Variants in PGR observed in about 807,000 individuals in gnomAD.
PGR encodes the protein progesterone receptor.
Under a neutral mutation model 76.1 loss-of-function variants are expected in PGR, and 25 were observed. The observed-to-expected ratio is 0.33, with a 90% CI of 0.24 to 0.46. PGR has a LOEUF of 0.46. PGR is among the 20% of genes least tolerant of loss of function. The pLI, the probability that PGR is intolerant of heterozygous loss-of-function variation, is 1.00. For missense variants in PGR, 1,172 were observed against 1,225.3 expected, an observed-to-expected ratio of 0.96 and a Z score of 0.65; for synonymous variants, 579 against 535.0, an observed-to-expected ratio of 1.08 and a Z score of -1.14.
At position 101,128,286 on chromosome 11, in the gene PGR, G is replaced by T; in HGVS notation, c.785C>A (p.Ala262Glu). The T allele has an allele frequency of 1.9e-6, 3 of 1,591,372 alleles. No homozygotes were observed. In the South Asian group the frequency reaches 3.3e-5, roughly 18 times the overall value. The change falls in exon 1 of 8, where the codon GCA becomes GAA. Residue 262 changes from alanine (A) to glutamate (E), a missense_variant. Ala to Glu is a moderately radical substitution (Grantham distance 107). Around this residue, in one of 4 missense-constraint regions of PGR, gnomAD observed 893 missense variants for 785.9 expected, o/e 1.14. Transcript: ENST00000325455. Reference sequence around the variant, plus strand: ...CTTGGGGACCAGGGCGACGCCTCCTGCTGCCGCCCCCGGCGGGACAGCCGC... The same window carrying T: ...CTTGGGGACCAGGGCGACGCCTCCTTCTGCCGCCCCCGGCGGGACAGCCGC... ...GAAAVPPGAA[A>E]GGVALVPKED...
chr11:101,103,280 A>C (rs1217949970), intron 2 of PGR, among the ~76,000 whole-genome samples: 1 of 152,144 alleles, frequency 6.6e-6, no homozygotes, highest in Non-Finnish European at 1.5e-5. Context: ...AGGATGGAGC[A>C]GATCTAAATA....
In PGR at chr11:101,128,509, C is replaced by A. The variant is rs759872729; in HGVS notation, c.562G>T (p.Gly188Cys). The A allele has an allele frequency of 6.2e-7, 1 of 1,603,568 alleles. No individual in the cohort carries two copies. The highest frequency in any genetic ancestry group is 1.1e-5 in the South Asian group (1 of 90,362). ...AGCAGCTGCCGGGCTGGTGACAGGC[C>A]CCGGGGCAGCACTTTATGGGCAGCT... ...TAAAHKVLPR[G>C]LSPARQLLLP... Residue 188 changes from glycine (G) to cysteine (C), a missense_variant, in exon 1 of 8, where the codon GGC becomes TGC. Transcript: ENST00000325455.
At chr11:101,041,268 T>C (rs1859685522) in intron 7 of PGR, among the ~76,000 whole-genome samples, 1 of 151,964 alleles carries the variant, frequency 6.6e-6, no homozygotes, top group African/African-American at 2.4e-5. Context: ...ACCTGGAGAG[T>C]GGATAGCTTT....
intron 2 of PGR, among the ~76,000 whole-genome samples, chr11:101,117,924 T>C (rs1350070872): frequency 6.6e-6 from 1 of 152,222 alleles, no homozygotes; most frequent in African/African-American, 2.4e-5. Context: ...AAATATTAAA[T>C]ATAAAGCATT....
intron 5 of PGR, among the ~76,000 whole-genome samples, chr11:101,050,472 T>C (rs1860047971): frequency 6.6e-6 from 1 of 152,084 alleles, no homozygotes; most frequent in Non-Finnish European, 1.5e-5. Context: ...TTGTGTGCAA[T>C]TAAATAGGAG....
intron 2 of PGR, among the ~76,000 whole-genome samples, chr11:101,099,660 G>A (rs1364264656): frequency 1.3e-5 from 2 of 152,194 alleles, no homozygotes; most frequent in Non-Finnish European, 2.9e-5. Flanking sequence ...GAGGGTCACG[G>A]TCATGTCCAG....
At chr11:101,060,736 G>A (rs1189189530) in intron 4 of PGR, among the ~76,000 whole-genome samples, 4 of 152,046 alleles carry the variant, frequency 2.6e-5, no homozygotes, top group South Asian at 2.1e-4. Flanking sequence ...TTCCCTGTTT[G>A]CAATTAATGG....
intron 2 of PGR, among the ~76,000 whole-genome samples, chr11:101,094,477 ACTC>A (rs1379629223): frequency 6.6e-6 from 1 of 151,350 alleles, no homozygotes; most frequent in Non-Finnish European, 1.5e-5. Context: ...CCCTTTGTCA[ACTC>A]CTCTTACTTT....
In PGR at chr11:101,034,686, T is replaced by C; in HGVS notation, c.*4430A>G. On this transcript the variant is annotated 3_prime_UTR_variant, in exon 8 of 8. Coordinates refer to ENST00000325455, the MANE Select transcript of PGR (RefSeq NM_000926.4). ...TGTAAGGCCTTCTTTCCTAAGTTTATTAATAAATAGGGATGTGATCCAACC... is the reference window on the plus strand; with the variant it reads ...TGTAAGGCCTTCTTTCCTAAGTTTACTAATAAATAGGGATGTGATCCAACC... 1 of 172,260 alleles carries C rather than the reference T, an allele frequency of 5.8e-6. No homozygotes were observed. The highest frequency in any genetic ancestry group is 1.3e-5 in the Non-Finnish European group (1 of 79,476). The allele number at this position is 172,260 out of a possible 1,614,324, so 10.7% of individuals were successfully genotyped here. A position where few individuals can be genotyped will look rare whatever the true frequency, so the allele number is the denominator to read the frequency against.
At chr11:101,078,236 A>G (rs953297210) in intron 3 of PGR, among the ~76,000 whole-genome samples, 2 of 152,300 alleles carry the variant, frequency 1.3e-5, no homozygotes, top group African/African-American at 2.4e-5. Flanking sequence ...TTCTAACACA[A>G]CCTTTTAAAA....
chr11:101,094,197 T>C (rs1159508030), intron 2 of PGR, among the ~76,000 whole-genome samples: 1 of 152,198 alleles, frequency 6.6e-6, no homozygotes, highest in Non-Finnish European at 1.5e-5. Flanking sequence ...CTTTTTTTGG[T>C]CCTCAAAGTT....
intron 3 of PGR, among the ~76,000 whole-genome samples, chr11:101,070,810 C>G (rs1860906038): frequency 6.6e-6 from 1 of 152,202 alleles, no homozygotes; most frequent in Non-Finnish European, 1.5e-5. Flanking sequence ...GAAAGAAAGG[C>G]AGCAGCCCCA....
intron 4 of PGR, among the ~76,000 whole-genome samples, chr11:101,053,227 T>A (rs1294127391): frequency 6.6e-6 from 1 of 152,146 alleles, no homozygotes; most frequent in Non-Finnish European, 1.5e-5. Context: ...AAAACTTAAT[T>A]CATTAGCTAT....
rs1458837648 is a variant in PGR, at chr11:101,051,539, T to C, written c.2242A>G (p.Ile748Val). 2 of 1,609,942 alleles carry C rather than the reference T, an allele frequency of 1.2e-6. No homozygotes were observed. The highest frequency in any genetic ancestry group is 1.7e-6 in the Non-Finnish European group (2 of 1,176,532). ...ATCCAAGAATACTGAATGAGAGTTA[T>C]CTGGTCATCAATATGTAAGTTTCGA... ...GFRNLHIDDQ[I>V]TLIQYSWMSL... is the part of the protein sequence containing the mutation. The change falls in exon 5 of 8, where the codon ATA (isoleucine) becomes GTA (valine). Residue 748 changes from isoleucine to valine, a missense_variant. By Grantham distance (29) the Ile-to-Val change is conservative. Around this residue, in one of 4 missense-constraint regions of PGR, gnomAD observed 166 missense variants for 296.0 expected, o/e 0.56. Transcript: ENST00000325455.
intron 6 of PGR, among the ~76,000 whole-genome samples, chr11:101,043,609 T>C (rs890063700): frequency 6.6e-6 from 1 of 152,200 alleles, no homozygotes; most frequent in Non-Finnish European, 1.5e-5. Flanking sequence ...ACACTATCTA[T>C]GGCAGCCACA....
At chr11:101,123,684 T>C (rs564601846) in intron 2 of PGR, among the ~76,000 whole-genome samples, 13 of 152,184 alleles carry the variant, frequency 8.5e-5, no homozygotes, top group Non-Finnish European at 1.9e-4. Context: ...TGTTCATATC[T>C]TCCATGTAGA....
Position 101,037,016 on chromosome 11 carries a change from C to T in PGR, c.*2100G>A. Reference sequence around the variant, plus strand: ...CCTACATTCATTTTCTTGTGTCACACAGTTCATTCTGAGAGGTGTCACTCT... The same window carrying T: ...CCTACATTCATTTTCTTGTGTCACATAGTTCATTCTGAGAGGTGTCACTCT... On this transcript the variant is annotated 3_prime_UTR_variant, in exon 8 of 8. Coordinates refer to ENST00000325455, the MANE Select transcript of PGR (RefSeq NM_000926.4). 5.1e-6 allele frequency: 1 copy of T among 196,090 alleles called. No homozygotes were observed. The highest frequency in any genetic ancestry group is 1.1e-5 in the Non-Finnish European group (1 of 94,360). 12.1% of individuals were successfully genotyped at this position (196,090 alleles called of 1,614,324 possible).
intron 3 of PGR, among the ~76,000 whole-genome samples, chr11:101,081,993 C>A (rs79314778): frequency 0.15 from 22,502 of 152,142 alleles, 3,100 homozygotes; most frequent in East Asian, 0.78. Context: ...AATTTTAATT[C>A]TTAATGTTTG....
At chr11:101,071,293 G>C (rs1261347770) in intron 3 of PGR, among the ~76,000 whole-genome samples, 1 of 152,152 alleles carries the variant, frequency 6.6e-6, no homozygotes, top group East Asian at 1.9e-4. Flanking sequence ...CAACAAAAAG[G>C]ATGTCCACAC....
Sources: allele counts gnomAD v4.1 joint callset (sites outside exome capture counted in the v4.1 genomes callset), GRCh38; gene constraint gnomAD v4.1.1; regional missense constraint gnomAD v4.1.1; transcripts MANE v1.5; gene names NCBI Gene and HGNC (gene_info 2026-07-23, HGNC 2026-07-21).